PDE9A: variants seen among roughly 807,000 people sequenced by gnomAD.
PDE9A encodes high affinity cGMP-specific 3',5'-cyclic phosphodiesterase 9A.
Under a neutral mutation model 87.4 loss-of-function variants are expected in PDE9A, and 60 were observed. That is an observed-to-expected ratio of 0.69 (90% confidence interval 0.56 to 0.85). The LOEUF is 0.85. Ranked by LOEUF, PDE9A falls within the 40% of genes least tolerant of loss-of-function variation. The pLI is 0.00. For missense variants in PDE9A, 665 were observed against 779.0 expected (o/e 0.85, Z 1.74); for synonymous variants, 272 against 279.4 (o/e 0.97, Z 0.27).
rs567578935 is a variant in PDE9A at position 42,660,365 on chromosome 21, C to T, written c.69+6482C>T. ...AGGTGCGGGGCCTGCAGGGACGGCT[C>T]GCAGAGAAGGCAGTTTGCGAGTCAG... On this transcript the variant is annotated intron_variant, in intron 1 of 19. Coordinates refer to ENST00000291539, the MANE Select transcript of PDE9A (RefSeq NM_002606.3). The surrounding 1 kb of genome is among the most constrained non-coding windows in gnomAD (Gnocchi z 4.7). Among the ~76,000 whole-genome samples the T allele has an allele frequency of 1.3e-5, 2 of 152,200 alleles. No homozygotes were observed. Among genetic ancestry groups the T allele is most frequent in the Non-Finnish European group, 2.9e-5 (2 of 67,998 alleles).
chr21:42,745,424 A>G (rs1323497392), intron 8 of PDE9A, among the ~76,000 whole-genome samples: 2 of 152,228 alleles, frequency 1.3e-5, no homozygotes, highest in Non-Finnish European at 2.9e-5. Flanking sequence ...TTGTGAGTGA[A>G]CAATCCATCT....
intron 19 of PDE9A, among the ~76,000 whole-genome samples, chr21:42,774,769 C>T (rs2057353000): frequency 6.7e-6 from 1 of 150,352 alleles, no homozygotes; most frequent in Non-Finnish European, 1.5e-5. Flanking sequence ...GTAATCCCAG[C>T]TACTTGGGAG....
At chr21:42,753,837 G>A (rs1054455023) in intron 9 of PDE9A, among the ~76,000 whole-genome samples, 153 bp from the exon 10 acceptor site, 37 of 147,454 alleles carry the variant, frequency 2.5e-4, no homozygotes, top group Middle Eastern at 3.6e-3. Flanking sequence ...GCACTCCAGC[G>A]TGGGCAAGAG....
intron 4 of PDE9A, among the ~76,000 whole-genome samples, chr21:42,728,237 A>C (rs1347305249): frequency 1.3e-5 from 2 of 152,202 alleles, no homozygotes; most frequent in Admixed American, 6.5e-5. Context: ...TATATAAGGA[A>C]TTTGAGCATC....
At chr21:42,744,736 C>G (rs2053665153) in intron 8 of PDE9A, among the ~76,000 whole-genome samples, 1 of 152,214 alleles carries the variant, frequency 6.6e-6, no homozygotes, top group Non-Finnish European at 1.5e-5. Flanking sequence ...TACAGCAGGA[C>G]TCTTTACTGG....
At chr21:42,764,979 GTGGGTGGA>G (rs1280233117) in intron 14 of PDE9A, among the ~76,000 whole-genome samples, 1 of 122,134 alleles carries the variant, frequency 8.2e-6, no homozygotes, top group South Asian at 2.9e-4. Context: ...TGTGGGGTGG[GTGGGTGGA>G]TGGATGGATG....
intron 1 of PDE9A, among the ~76,000 whole-genome samples, chr21:42,676,062 C>T (rs7279304): frequency 0.11 from 17,327 of 152,128 alleles, 2,213 homozygotes; most frequent in African/African-American, 0.32. Flanking sequence ...CGGGTGTGCA[C>T]GCCTCCCTTC....
intron 4 of PDE9A, among the ~76,000 whole-genome samples, chr21:42,719,305 C>T (rs960988243): frequency 6.6e-6 from 1 of 151,670 alleles, no homozygotes; most frequent in Admixed American, 6.6e-5. Flanking sequence ...TAGCCATCTA[C>T]ATTATAAGGG....
At chr21:42,769,252 C>G (rs1480701610) in intron 17 of PDE9A, 97 bp downstream of exon 17, 2 of 1,138,172 alleles carry the variant, frequency 1.8e-6, no homozygotes, top group Admixed American at 1.9e-5. Flanking sequence ...CACAGGTACA[C>G]ACAGACACAC....
Position 42,733,278 on chromosome 21 carries a change from T to TTA in PDE9A, c.498-78_498-77insTA, listed in dbSNP as rs1229762125. The TTA allele has an allele frequency of 1.7e-5, 14 of 815,696 alleles. No homozygotes were observed. The Admixed American group carries it at 2.6e-4, about 15-fold the overall frequency. 50.5% of individuals were successfully genotyped at this position (815,696 alleles called of 1,614,324 possible). A position where few individuals can be genotyped will look rare whatever the true frequency, so the allele number is the denominator to read the frequency against. ...GCCCATGCCCACAGCAGGGACTCAGTAGGTGTTTGCTTAACCGGTTTTGGC... is the reference window on the plus strand; with the variant it reads ...GCCCATGCCCACAGCAGGGACTCAGTTAAGGTGTTTGCTTAACCGGTTTTGGC... On this transcript the variant is annotated intron_variant, in intron 6 of 19. Transcript: ENST00000291539.
chr21:42,717,900 G>GGTTTTTTTGTTT (rs1555920815), intron 4 of PDE9A, among the ~76,000 whole-genome samples: 34 of 150,906 alleles, frequency 2.3e-4, no homozygotes, highest in African/African-American at 7.8e-4. Flanking sequence ...CTTTCTTTGG[G>GGTTTTTTTGTTT]GTTTGTTTGT....
At chr21:42,754,186 G>GAAAA (rs11411040) in intron 10 of PDE9A, 122 bp downstream of exon 10, 10 of 500,108 alleles carry the variant, frequency 2.0e-5, no homozygotes, top group East Asian at 3.6e-5. Context: ...TTTAAAGACT[G>GAAAA]AAAAAAAAAA....
intron 10 of PDE9A, among the ~76,000 whole-genome samples, chr21:42,754,330 C>G (rs748899607): frequency 6.6e-5 from 10 of 152,142 alleles, no homozygotes; most frequent in African/African-American, 2.2e-4. Context: ...ACCCAGGGCT[C>G]CTGATGGCGC....
In PDE9A at chr21:42,663,065, TACAC is replaced by T. The variant is rs562430479; in HGVS notation, c.69+9186_69+9189del. Reference sequence around the variant, plus strand: ...ATCACATACATGCACACACCACACTTACACACATGCACATCACACACAAGAATGC... The same window carrying T: ...ATCACATACATGCACACACCACACTTACATGCACATCACACACAAGAATGC... On this transcript the variant is annotated intron_variant, in intron 1 of 19. Transcript: ENST00000291539. Among the ~76,000 whole-genome samples the T allele has an allele frequency of 2.6e-4, 26 of 99,580 alleles. No homozygotes were observed. In the East Asian group the frequency reaches 5.1e-3, roughly 20 times the overall value. The allele number at this position is 99,580 out of a possible 152,430, so 65.3% of individuals were successfully genotyped here. A position where few individuals can be genotyped will look rare whatever the true frequency, so the allele number is the denominator to read the frequency against.
At chr21:42,710,286 G>C (rs1044378159) in intron 4 of PDE9A, among the ~76,000 whole-genome samples, 2 of 151,990 alleles carry the variant, frequency 1.3e-5, no homozygotes, top group African/African-American at 4.8e-5. Flanking sequence ...GTGTGTGCCT[G>C]TAGTCCCAGC....
rs1363854409 is a variant in PDE9A, at chr21:42,695,303, A to G, written c.219-3665A>G. Among the ~76,000 whole-genome samples the G allele has an allele frequency of 1.3e-5, 2 of 152,168 alleles. No individual in the cohort carries two copies. Among genetic ancestry groups the G allele is most frequent in the Non-Finnish European group, 2.9e-5 (2 of 68,034 alleles). On this transcript the variant is annotated intron_variant, in intron 3 of 19. Transcript: ENST00000291539. This position sits in a 1 kb window ranked among gnomAD's most constrained non-coding sequence, Gnocchi z 4.3. ...GAGGGACTCTGAGCCATCTGGTGTC[A>G]TTTTCCTTTCCAATCCGGGAACATT...
At chr21:42,767,388 G>A (rs944883586) in intron 15 of PDE9A, among the ~76,000 whole-genome samples, 7 of 152,130 alleles carry the variant, frequency 4.6e-5, no homozygotes, top group African/African-American at 1.4e-4. Context: ...ATCTGGAGCC[G>A]GACTCCACAG....
intron 3 of PDE9A, chr21:42,689,727 C>T (rs2059685772): frequency 1.0e-6 from 1 of 985,324 alleles, no homozygotes; most frequent in Non-Finnish European, 1.2e-6. Context: ...AGACAAAAGC[C>T]CTCCTGAGCC....
chr21:42,774,241 G>A (rs187006812), intron 19 of PDE9A, among the ~76,000 whole-genome samples: 8 of 152,260 alleles, frequency 5.3e-5, no homozygotes, highest in East Asian at 3.9e-4. Flanking sequence ...CAGGACAAAC[G>A]GGACATGGCT....
Sources: allele counts gnomAD v4.1 joint callset (sites outside exome capture counted in the v4.1 genomes callset), GRCh38; gene constraint gnomAD v4.1.1; non-coding constraint Gnocchi (gnomAD v3.1); transcripts MANE v1.5; gene names NCBI Gene and HGNC (gene_info 2026-07-23, HGNC 2026-07-21).